MAML3: variants seen among roughly 807,000 people sequenced by gnomAD.
MAML3 encodes mastermind-like protein 3.
MAML3 carries 27 observed loss-of-function variants against 101.9 expected under a neutral mutation model. That is an observed-to-expected ratio of 0.27 (90% confidence interval 0.20 to 0.37). The LOEUF (loss-of-function observed/expected upper bound fraction) is 0.37, where lower values mean the gene tolerates loss of function less well. MAML3 is among the 10% of genes least tolerant of loss of function. The pLI is 1.00. For missense variants in MAML3, 1,316 were observed against 1,444.9 expected, an observed-to-expected ratio of 0.91 and a Z score of 1.45; for synonymous variants, 501 against 555.9, an observed-to-expected ratio of 0.90 and a Z score of 1.39.
At chr4:140,023,616 G>T (rs1338091106) in intron 1 of MAML3, among the ~76,000 whole-genome samples, 1 of 152,160 alleles carries the variant, frequency 6.6e-6, no homozygotes, top group Non-Finnish European at 1.5e-5. Context: ...ATATTTGCTG[G>T]CATTCAGACA....
intron 1 of MAML3, among the ~76,000 whole-genome samples, chr4:140,114,182 G>A (rs1728481788): frequency 6.6e-6 from 1 of 152,160 alleles, no homozygotes; most frequent in Non-Finnish European, 1.5e-5. Flanking sequence ...CCCTATGAAA[G>A]TAGAATAAAA....
chr4:139,769,036 A>G (rs1485349608), intron 2 of MAML3, among the ~76,000 whole-genome samples: 1 of 152,196 alleles, frequency 6.6e-6, no homozygotes, highest in African/African-American at 2.4e-5. Context: ...TGGTAACAAC[A>G]AGGTGTTTAG....
chr4:139,846,335 A>T (rs2111150440), intron 2 of MAML3, among the ~76,000 whole-genome samples: 1 of 152,154 alleles, frequency 6.6e-6, no homozygotes, highest in African/African-American at 2.4e-5. Context: ...ATATTTAAAG[A>T]TGTATTTTAT....
chr4:139,753,089 A>C (rs1230157124), intron 2 of MAML3, among the ~76,000 whole-genome samples: 1 of 152,216 alleles, frequency 6.6e-6, no homozygotes, highest in African/African-American at 2.4e-5. Flanking sequence ...AGTGAAAAAC[A>C]GATTTGTAGA....
At chr4:139,871,306 C>T (rs894945815) in intron 2 of MAML3, among the ~76,000 whole-genome samples, 1 of 152,228 alleles carries the variant, frequency 6.6e-6, no homozygotes, top group East Asian at 1.9e-4. Context: ...ACAATTAAGC[C>T]AATTAGAGTA....
chr4:140,140,709 G>A (rs1244068379), intron 1 of MAML3, among the ~76,000 whole-genome samples: 2 of 152,200 alleles, frequency 1.3e-5, no homozygotes, highest in African/African-American at 4.8e-5. Context: ...GCCGAATCAC[G>A]TACATTCCCA....
At chr4:139,877,162 A>G (rs1732130828) in intron 2 of MAML3, among the ~76,000 whole-genome samples, 1 of 152,242 alleles carries the variant, frequency 6.6e-6, no homozygotes, top group South Asian at 2.1e-4. Flanking sequence ...CTCATGTGTC[A>G]TATTAACTAA....
chr4:139,991,243 A>C lies in MAML3; in HGVS notation c.469-100276T>G, dbSNP rs556801636. Among the ~76,000 whole-genome samples the C allele has an allele frequency of 8.5e-5, 13 of 152,312 alleles. No individual in the cohort carries two copies. In the East Asian group the frequency reaches 2.5e-3, roughly 29 times the overall value. Reference sequence around the variant, plus strand: ...AACAGAACAGAGCCCTCAGAAATAAAGTCGCGTATCTACAACTATCTGATC... The same window carrying C: ...AACAGAACAGAGCCCTCAGAAATAACGTCGCGTATCTACAACTATCTGATC... On this transcript the variant is annotated intron_variant, in intron 1 of 4. Transcript: ENST00000509479.
At chr4:140,011,111 A>AGTC (rs577073022) in intron 1 of MAML3, among the ~76,000 whole-genome samples, 20 of 122,252 alleles carry the variant, frequency 1.6e-4, no homozygotes, top group African/African-American at 5.9e-4. Flanking sequence ...AAAAAAAAAA[A>AGTC]AGTGTGTGTG....
intron 2 of MAML3, among the ~76,000 whole-genome samples, chr4:139,837,661 C>T (rs879347731): frequency 6.0e-5 from 9 of 150,970 alleles, no homozygotes; most frequent in South Asian, 2.1e-4. Flanking sequence ...GGCTCATGCC[C>T]GTAATCCCAG....
intron 1 of MAML3, among the ~76,000 whole-genome samples, chr4:140,090,123 C>T (rs1305094409): frequency 2.6e-5 from 4 of 152,144 alleles, no homozygotes; most frequent in Admixed American, 1.3e-4. Context: ...TTTACTGTCG[C>T]CATTTTAAGA....
At chr4:139,791,502 CAAAA>C (rs534133306) in intron 2 of MAML3, among the ~76,000 whole-genome samples, 5 of 95,118 alleles carry the variant, frequency 5.3e-5, no homozygotes, top group Middle Eastern at 5.3e-3. Context: ...GACTCCATCT[CAAAA>C]AAAAAAAAAA....
Position 139,996,631 on chromosome 4 carries a change from T to C in MAML3, c.469-105664A>G, listed in dbSNP as rs1734820637. On this transcript the variant is annotated intron_variant, in intron 1 of 4. Coordinates refer to ENST00000509479, the MANE Select transcript of MAML3 (RefSeq NM_018717.5). The stretch of plus-strand genomic sequence containing the variant: ...ATGATTTTTTACTTTTTTACTTTTA[T>C]ACTAATATGTTTTGAGTCAAAAGTA... 2.0e-5 allele frequency among the ~76,000 whole-genome samples: 3 copies of C among 152,120 alleles called. No individual in the cohort carries two copies. The South Asian group carries it at 6.2e-4, about 32-fold the overall frequency.
At position 140,094,452 on chromosome 4, in the gene MAML3, A is replaced by T. The variant is rs867348729; in HGVS notation, c.468+58408T>A. Among the ~76,000 whole-genome samples, 30 of 152,350 alleles carry T rather than the reference A, an allele frequency of 2.0e-4. 1 individual carries two copies. The highest frequency in any genetic ancestry group is 6.3e-4 in the African/African-American group (26 of 41,582). Reference sequence around the variant, plus strand: ...AGCCGGCCAACGCTGTGATGCTGCGACCGCCAACCATGGCCAGCCACACAC... The same window carrying T: ...AGCCGGCCAACGCTGTGATGCTGCGTCCGCCAACCATGGCCAGCCACACAC... On this transcript the variant is annotated intron_variant, in intron 1 of 4. Coordinates refer to ENST00000509479, the MANE Select transcript of MAML3 (RefSeq NM_018717.5).
chr4:139,903,627 A>G (rs1729563774), intron 1 of MAML3, among the ~76,000 whole-genome samples: 2 of 152,218 alleles, frequency 1.3e-5, no homozygotes, highest in Non-Finnish European at 2.9e-5. Flanking sequence ...GAGTCTTTAC[A>G]GAGGTTAAGT....
chr4:139,795,230 A>C (rs1183858614), intron 2 of MAML3, among the ~76,000 whole-genome samples: 1 of 152,234 alleles, frequency 6.6e-6, no homozygotes, highest in Non-Finnish European at 1.5e-5. Flanking sequence ...ACAATAACCT[A>C]ACATAATGTT....
intron 1 of MAML3, among the ~76,000 whole-genome samples, chr4:139,896,631 T>TGTGTGTGTGG (rs752046450): frequency 8.2e-6 from 1 of 121,358 alleles, no homozygotes; most frequent in African/African-American, 2.6e-5. Context: ...TGTGTGTGTG[T>TGTGTGTGTGG]GGTATGTGGT....
At chr4:140,040,789 TATATA>T (rs1269448562) in intron 1 of MAML3, among the ~76,000 whole-genome samples, 34 of 152,296 alleles carry the variant, frequency 2.2e-4, no homozygotes, top group Admixed American at 5.9e-4. Flanking sequence ...AGGATTCAAA[TATATA>T]TATTATGCAT....
At chr4:139,775,882 T>G (rs1290930734) in intron 2 of MAML3, among the ~76,000 whole-genome samples, 2 of 152,210 alleles carry the variant, frequency 1.3e-5, no homozygotes, top group Non-Finnish European at 2.9e-5. Context: ...TGGTTCCGAC[T>G]GCTTAGGAAA....
Sources: allele counts gnomAD v4.1 joint callset (sites outside exome capture counted in the v4.1 genomes callset), GRCh38; gene constraint gnomAD v4.1.1; transcripts MANE v1.5; gene names NCBI Gene and HGNC (gene_info 2026-07-23, HGNC 2026-07-21).